Variants in CRTC1 observed in about 807,000 individuals in gnomAD.
CRTC1 encodes CREB-regulated transcription coactivator 1.
CRTC1 carries 18 observed loss-of-function variants against 66.1 expected under a neutral mutation model. That is an observed-to-expected ratio of 0.27 (90% CI 0.19 to 0.40). The LOEUF is 0.40. CRTC1 is among the 10% of genes least tolerant of loss of function. CRTC1 has a pLI of 1.00. For synonymous variants in CRTC1, 416 were observed against 398.8 expected, an observed-to-expected ratio of 1.04 and a Z score of -0.51; for missense variants, 669 against 887.9, an observed-to-expected ratio of 0.75 and a Z score of 3.13.
chr19:18,778,006 G>A lies in CRTC1; in HGVS notation c.*624G>A. 4.2e-6 allele frequency: 1 copy of A among 237,690 alleles called. No individual in the cohort carries two copies. Among genetic ancestry groups the A allele is most frequent in the Non-Finnish European group, 8.2e-6 (1 of 121,608 alleles). 14.7% of individuals were successfully genotyped at this position (237,690 alleles called of 1,614,324 possible). ...AGCCCTGGCGTCCACCGGGGCAGGCGCAAAGTGGACAGAGCATGCAGGGCG... is the reference window on the plus strand; with the variant it reads ...AGCCCTGGCGTCCACCGGGGCAGGCACAAAGTGGACAGAGCATGCAGGGCG... On this transcript the variant is annotated 3_prime_UTR_variant, in exon 14 of 14. Coordinates refer to ENST00000321949, the MANE Select transcript of CRTC1 (RefSeq NM_015321.3).
intron 1 of CRTC1, among the ~76,000 whole-genome samples, chr19:18,718,810 G>A (rs991749967): frequency 1.3e-5 from 2 of 152,170 alleles, no homozygotes; most frequent in African/African-American, 4.8e-5. Context: ...ATCCGTCCAG[G>A]AGTGGGATTG....
intron 5 of CRTC1, among the ~76,000 whole-genome samples, chr19:18,750,104 C>T (rs1430498674): frequency 3.3e-5 from 5 of 152,186 alleles, no homozygotes; most frequent in East Asian, 1.9e-4. Flanking sequence ...ACCCTGCAGG[C>T]GCACGTTGGC....
In CRTC1 at chr19:18,724,431, G is replaced by A. The variant is rs147715211; in HGVS notation, c.127-18479G>A. On this transcript the variant is annotated intron_variant, in intron 1 of 13. Coordinates refer to ENST00000321949, the MANE Select transcript of CRTC1 (RefSeq NM_015321.3). ...CAGCAGCACCTATTGGGACTGGGGG[G>A]CCATGTGTGAGTTTCTGGTGGCTGC... Among the ~76,000 whole-genome samples, 155 of 152,160 alleles carry A rather than the reference G, an allele frequency of 1.0e-3. 2 individuals carry two copies. In the East Asian group the frequency reaches 0.029, roughly 29 times the overall value.
chr19:18,699,015 G>A (rs1252585583), intron 1 of CRTC1, among the ~76,000 whole-genome samples: 1 of 151,994 alleles, frequency 6.6e-6, no homozygotes, highest in Non-Finnish European at 1.5e-5. Context: ...CTTAGCAGGT[G>A]CACAGTGTGT....
rs912799024 is a variant in CRTC1 at position 18,771,399 on chromosome 19, T to C, written c.1321-43T>C. On this transcript the variant is annotated intron_variant, in intron 10 of 13. Transcript: ENST00000321949. This position sits in a 1 kb window ranked among gnomAD's most constrained non-coding sequence, Gnocchi z 4.6. ...GGAAGCAGGGACTGGAGCCCGGGCT[T>C]GGGCAGCTGGGCTGCGGCGTGCTGA... 4.5e-6 allele frequency: 7 copies of C among 1,540,530 alleles called. No homozygotes were observed. The highest frequency in any genetic ancestry group is 5.3e-6 in the Non-Finnish European group (6 of 1,130,948).
intron 12 of CRTC1, 133 bp from the exon 13 acceptor site, chr19:18,775,508 C>A: frequency 1.2e-6 from 1 of 802,270 alleles, no homozygotes; most frequent in Non-Finnish European, 1.9e-6. Flanking sequence ...TGCTTGGCAG[C>A]CTGGGTGCCG....
At chr19:18,730,684 G>C (rs778245780) in intron 1 of CRTC1, among the ~76,000 whole-genome samples, 1 of 151,972 alleles carries the variant, frequency 6.6e-6, no homozygotes, top group Admixed American at 6.6e-5. Context: ...CCTTCATCCC[G>C]GACGGTTCCT....
At chr19:18,747,145 C>T in intron 4 of CRTC1, 31 bp downstream of exon 4, 1 of 1,136,060 alleles carries the variant, frequency 8.8e-7, no homozygotes, top group Non-Finnish European at 1.2e-6. Context: ...CCCCCGCCCC[C>T]TTCTTGTTGG....
intron 1 of CRTC1, among the ~76,000 whole-genome samples, chr19:18,738,137 A>G (rs2054038804): frequency 6.6e-6 from 1 of 151,908 alleles, no homozygotes. Flanking sequence ...TGGTCAACAT[A>G]GTGAGACTCC....
chr19:18,724,153 GCAT>G (rs1843453044), intron 1 of CRTC1, among the ~76,000 whole-genome samples: 1 of 152,184 alleles, frequency 6.6e-6, no homozygotes, highest in Non-Finnish European at 1.5e-5. Context: ...CTCCTCGGCA[GCAT>G]CGACACGGCT....
intron 2 of CRTC1, chr19:18,744,020 C>T (rs1163400966): frequency 1.4e-6 from 2 of 1,451,754 alleles, no homozygotes; most frequent in Non-Finnish European, 1.9e-6. Flanking sequence ...GCCCGAGGCC[C>T]ACAGCCCGGG....
intron 10 of CRTC1, among the ~76,000 whole-genome samples, chr19:18,769,660 A>G (rs2054817668): frequency 6.6e-6 from 1 of 152,116 alleles, no homozygotes; most frequent in Admixed American, 6.5e-5. Flanking sequence ...GAAACACAGC[A>G]GGTCCTGGGG....
intron 5 of CRTC1, among the ~76,000 whole-genome samples, chr19:18,753,199 C>T (rs2054407175): frequency 1.3e-5 from 2 of 151,888 alleles, no homozygotes; most frequent in African/African-American, 2.4e-5. Flanking sequence ...TGGCGTGAAC[C>T]CGGGAGGTGG....
chr19:18,686,274 C>G (rs983328667), intron 1 of CRTC1, among the ~76,000 whole-genome samples: 2 of 152,154 alleles, frequency 1.3e-5, no homozygotes, highest in African/African-American at 4.8e-5. Context: ...ATCAGTGCTT[C>G]GTTCCTTTTT....
intron 1 of CRTC1, among the ~76,000 whole-genome samples, chr19:18,702,511 ACCTGGCT>A (rs1221587945): frequency 4.1e-5 from 6 of 145,676 alleles, no homozygotes; most frequent in African/African-American, 1.5e-4. Flanking sequence ...TGAGCCCCAT[ACCTGGCT>A]TCTTAGGGGA....
At chr19:18,735,866 G>A (rs760875665) in intron 1 of CRTC1, among the ~76,000 whole-genome samples, 1 of 152,188 alleles carries the variant, frequency 6.6e-6, no homozygotes, top group African/African-American at 2.4e-5. Context: ...CTTGCTGCCC[G>A]CTCTGGGCTG....
chr19:18,702,348 T>C (rs970824629), intron 1 of CRTC1, among the ~76,000 whole-genome samples: 4 of 151,840 alleles, frequency 2.6e-5, no homozygotes, highest in African/African-American at 4.8e-5. Flanking sequence ...GCCGCCTGAG[T>C]AGCTGAGACC....
chr19:18,761,045 C>T (rs2145810949), intron 8 of CRTC1, among the ~76,000 whole-genome samples: 1 of 152,262 alleles, frequency 6.6e-6, no homozygotes, highest in Non-Finnish European at 1.5e-5. Context: ...CACCCTGGCC[C>T]ACCCTCCACC....
At chr19:18,717,946 G>A (rs2053544147) in intron 1 of CRTC1, among the ~76,000 whole-genome samples, 1 of 152,026 alleles carries the variant, frequency 6.6e-6, no homozygotes, top group Non-Finnish European at 1.5e-5. Context: ...AAGACAGCAG[G>A]GCCTGGGCAG....
Sources: gnomAD v4.1 joint callset for allele counts (sites outside exome capture counted in the v4.1 genomes callset) on GRCh38, gnomAD v4.1.1 for gene constraint, Gnocchi (gnomAD v3.1) non-coding constraint, MANE v1.5 for transcripts, NCBI Gene and HGNC (gene_info 2026-07-23, HGNC 2026-07-21) for gene names.